RUVBL1: variants seen among roughly 807,000 people sequenced by gnomAD.
RUVBL1 encodes the protein RuvB like AAA ATPase 1, also known as ruvB-like 1.
A neutral mutation model predicts 52.4 loss-of-function variants in RUVBL1; 4 were observed. The observed-to-expected ratio is 0.08, with a 90% CI of 0.04 to 0.17. The LOEUF (loss-of-function observed/expected upper bound fraction) is 0.17, where lower values mean the gene tolerates loss of function less well. RUVBL1 is among the 10% of genes least tolerant of loss of function. RUVBL1 has a pLI of 1.00. For synonymous variants in RUVBL1, 217 were observed against 214.4 expected, an observed-to-expected ratio of 1.01 and a Z score of -0.10; for missense variants, 298 against 572.8, an observed-to-expected ratio of 0.52 and a Z score of 4.90.
At chr3:128,084,983 G>A (rs1942596768) in intron 9 of RUVBL1, 1 of 152,320 alleles carries the variant, frequency 6.6e-6, no homozygotes, top group African/African-American at 2.4e-5. Flanking sequence ...GGGTTCGAAT[G>A]GCGGCAGCAA....
chr3:128,074,719 A>C (rs886645688), intron 9 of RUVBL1, among the ~76,000 whole-genome samples: 1 of 151,798 alleles, frequency 6.6e-6, no homozygotes, highest in African/African-American at 2.4e-5. Context: ...GCATGCGCTT[A>C]TAATCCCAGC....
chr3:128,093,741 T>C (rs1196927844), intron 8 of RUVBL1, among the ~76,000 whole-genome samples: 1 of 152,172 alleles, frequency 6.6e-6, no homozygotes, highest in Non-Finnish European at 1.5e-5. Context: ...GGACTTCTTA[T>C]GGTGGCAAGT....
At chr3:128,074,842 C>CAAAAAAAAAAAAAAAAAAAAA (rs386397876) in intron 9 of RUVBL1, among the ~76,000 whole-genome samples, 1 of 72,798 alleles carries the variant, frequency 1.4e-5, no homozygotes, top group African/African-American at 4.9e-5. Flanking sequence ...AACTCCGTCT[C>CAAAAAAAAAAAAAAAAAAAAA]AAAAAAAAAA....
At chr3:128,069,497 C>G (rs748931213) in intron 9 of RUVBL1, 1 of 1,612,868 alleles carries the variant, frequency 6.2e-7, no homozygotes, top group Non-Finnish European at 8.5e-7. Flanking sequence ...CAGCCGCGGC[C>G]TTTGGTGGGC....
At chr3:128,103,219 C>G (rs1205634060) in intron 4 of RUVBL1, among the ~76,000 whole-genome samples, 1 of 152,146 alleles carries the variant, frequency 6.6e-6, no homozygotes, top group Non-Finnish European at 1.5e-5. Context: ...TTAAACTGTA[C>G]GCCTTATTTT....
intron 8 of RUVBL1, among the ~76,000 whole-genome samples, chr3:128,096,243 CA>C (rs945479708): frequency 7.9e-5 from 12 of 152,254 alleles, no homozygotes; most frequent in African/African-American, 2.6e-4. Flanking sequence ...CACAGAAAAC[CA>C]AAAGAGCAAT....
At chr3:128,124,302 T>A (rs1425129819), upstream of RUVBL1, among the ~76,000 whole-genome samples, 1 of 147,574 alleles carries the variant, frequency 6.8e-6, no homozygotes, top group African/African-American at 2.5e-5. Context: ...CTATCCTCCA[T>A]CCTCCACCGA....
intron 1 of RUVBL1, among the ~76,000 whole-genome samples, chr3:128,152,893 C>CCCGCCCCCCCCCCCGCCCCCCATCCT (rs1944252016): frequency 4.0e-4 from 12 of 29,770 alleles, no homozygotes; most frequent in Non-Finnish European, 6.0e-4. Context: ...CCCCCTCCCC[C>CCCGCCCCCCCCCCCGCCCCCCATCCT]ACGTCCCCCC....
intron 3 of RUVBL1, among the ~76,000 whole-genome samples, chr3:128,105,808 T>G (rs191058510): frequency 6.6e-6 from 1 of 152,052 alleles, no homozygotes; most frequent in Non-Finnish European, 1.5e-5. Context: ...CCAGTTGTCA[T>G]GCATTATTTG....
intron 3 of RUVBL1, among the ~76,000 whole-genome samples, chr3:128,111,866 G>C (rs541269885): frequency 6.6e-6 from 1 of 152,270 alleles, no homozygotes; most frequent in Non-Finnish European, 1.5e-5. Context: ...CTGGAAACTG[G>C]TACAGGCACT....
At chr3:128,076,423 G>A (rs532890734), downstream of RUVBL1, among the ~76,000 whole-genome samples, 1 of 152,196 alleles carries the variant, frequency 6.6e-6, no homozygotes, top group African/African-American at 2.4e-5. This position sits in a 1 kb window ranked among gnomAD's most constrained non-coding sequence, Gnocchi z 6.8. Context: ...CATTCCTGCG[G>A]GCCTGCCGGG....
Position 128,067,245 on chromosome 3 carries a change from A to G in RUVBL1, c.940-2025T>C, listed in dbSNP as rs1008031852. 2.2e-6 allele frequency: 3 copies of G among 1,370,530 alleles called. No individual in the cohort carries two copies. Among genetic ancestry groups the G allele is most frequent in the Admixed American group, 3.7e-5 (2 of 54,434 alleles). The allele number at this position is 1,370,530 out of a possible 1,614,324, so 84.9% of individuals were successfully genotyped here. ...TCATGAACAGATATTTCATCCAAAG[A>G]TATTTTCCATTGTGCCTTTTACAAA... is the stretch of plus-strand genomic sequence containing the variant. On this transcript the variant is annotated intron_variant, in intron 9 of 9. Coordinates refer to the RUVBL1 transcript ENST00000464873. The surrounding 1 kb of genome is among the most constrained non-coding windows in gnomAD (Gnocchi z 4.1).
exon 1 of RUVBL1, chr3:128,153,232 G>C: frequency 3.0e-6 from 4 of 1,336,376 alleles, no homozygotes; most frequent in Non-Finnish European, 3.8e-6. Context: ...TCACTTCTCA[G>C]AAGGATCCCT....
At chr3:128,096,185 T>C (rs1942964170) in intron 8 of RUVBL1, among the ~76,000 whole-genome samples, 1 of 152,154 alleles carries the variant, frequency 6.6e-6, no homozygotes, top group African/African-American at 2.4e-5. Context: ...TCACCCACCT[T>C]TGTGCCCCCA....
chr3:128,079,345 A>C (rs994844665), downstream of RUVBL1, among the ~76,000 whole-genome samples: 3 of 152,234 alleles, frequency 2.0e-5, no homozygotes, highest in African/African-American at 7.2e-5. Flanking sequence ...ACAGGTTCCA[A>C]GCAGCCTGAT....
intron 1 of RUVBL1, among the ~76,000 whole-genome samples, chr3:128,137,100 T>G (rs1943959411): frequency 6.6e-6 from 1 of 151,902 alleles, no homozygotes; most frequent in South Asian, 2.1e-4. Flanking sequence ...AGTGCCTACA[T>G]GAAAAAAAAT....
intron 1 of RUVBL1, among the ~76,000 whole-genome samples, chr3:128,146,492 C>T (rs1454049822): frequency 2.9e-5 from 4 of 135,668 alleles, no homozygotes; most frequent in Non-Finnish European, 4.7e-5. Context: ...ATTTGCCTGC[C>T]GCTGTGAGCA....
chr3:128,116,956 G>A (rs1450248842), intron 2 of RUVBL1, among the ~76,000 whole-genome samples: 1 of 152,142 alleles, frequency 6.6e-6, no homozygotes, highest in Non-Finnish European at 1.5e-5. Flanking sequence ...GTCTGATGAT[G>A]GCACCGTGGT....
Position 128,119,359 on chromosome 3 carries a change from A to G in RUVBL1, c.197T>C (p.Val66Ala). 1 of 1,614,162 alleles carries G rather than the reference A, an allele frequency of 6.2e-7. No homozygotes were observed. Residue 66 changes from valine (V) to alanine (A), a missense_variant, in exon 2 of 11, where the codon GTC (valine) becomes GCC (alanine). This residue lies in a region of RUVBL1 where 71 missense variants were observed against 125.7 expected (regional missense o/e 0.57). Transcript: ENST00000322623. ...AGTTCCAGGAGGTCCTGCCAACAAG[A>G]CAGCTCTTCCAGCCATTTTCTTGCT... Reference protein sequence around the residue: ...IKSKKMAGRAVLLAGPPGTGK... With the variant: ...IKSKKMAGRAALLAGPPGTGK...
Sources: gnomAD v4.1 joint callset for allele counts (sites outside exome capture counted in the v4.1 genomes callset) on GRCh38, gnomAD v4.1.1 for gene constraint, gnomAD v4.1.1 regional missense constraint, Gnocchi (gnomAD v3.1) non-coding constraint, MANE v1.5 for transcripts, NCBI Gene and HGNC (gene_info 2026-07-23, HGNC 2026-07-21) for gene names.